DCHS2: variants seen among roughly 807,000 people sequenced by gnomAD.
The protein encoded by DCHS2 is protocadherin-23.
Under a neutral mutation model 182.4 loss-of-function variants are expected in DCHS2, and 142 were observed. That is an observed-to-expected ratio of 0.78 (90% CI 0.68 to 0.89). The LOEUF (loss-of-function observed/expected upper bound fraction) is 0.89, where lower values mean the gene tolerates loss of function less well. DCHS2 is among the 40% of genes least tolerant of loss of function. The pLI is 0.00. For synonymous variants in DCHS2, 1,740 were observed against 1,663.3 expected (o/e 1.05, Z -1.12); for missense variants, 4,319 against 4,198.6 (o/e 1.03, Z -0.79).
At chr4:154,279,823 G>C (rs1014096123) in intron 13 of DCHS2, among the ~76,000 whole-genome samples, 8 of 151,714 alleles carry the variant, frequency 5.3e-5, no homozygotes, top group Admixed American at 5.3e-4. Flanking sequence ...CAAGGAACCA[G>C]AGAAAGAACA....
intron 3 of DCHS2, among the ~76,000 whole-genome samples, chr4:154,348,642 G>A (rs911524880): frequency 6.6e-6 from 1 of 151,846 alleles, no homozygotes; most frequent in African/African-American, 2.4e-5. Flanking sequence ...CAGAAAAGAA[G>A]GACATGCAAA....
At chr4:154,462,441 G>A (rs925567623) in intron 1 of DCHS2, among the ~76,000 whole-genome samples, 1 of 152,172 alleles carries the variant, frequency 6.6e-6, no homozygotes, top group African/African-American at 2.4e-5. Flanking sequence ...AGGTAGGTAA[G>A]AAAGATGGCG....
chr4:154,378,499 G>GGGGAGGAAGGAAGGAAGGAAGGAAGGAA (rs1731017806), intron 1 of DCHS2, among the ~76,000 whole-genome samples: 2 of 56,310 alleles, frequency 3.6e-5, no homozygotes, highest in Non-Finnish European at 7.0e-5. Flanking sequence ...GAGGGAGGGT[G>GGGGAGGAAGGAAGGAAGGAAGGAAGGAA]GGAAGGAAGG....
chr4:154,359,282 C>A (rs970062150), intron 3 of DCHS2, among the ~76,000 whole-genome samples: 2 of 151,800 alleles, frequency 1.3e-5, no homozygotes, highest in African/African-American at 2.4e-5. Context: ...CTGTTGTAAT[C>A]AAAAAATGTT....
intron 1 of DCHS2, among the ~76,000 whole-genome samples, chr4:154,456,651 T>C (rs1734779564): frequency 2.0e-5 from 3 of 152,058 alleles, no homozygotes. Context: ...AGAAAAGTCA[T>C]GGTGTACTGG....
At position 154,333,186 on chromosome 4, in the gene DCHS2, T is replaced by G. The variant is rs1728569084; in HGVS notation, c.3022A>C (p.Ser1008Arg). The G allele has an allele frequency of 6.2e-7, 1 of 1,614,214 alleles. No homozygotes were observed. The highest frequency in any genetic ancestry group is 8.5e-7 in the Non-Finnish European group (1 of 1,180,036). ...LYLARAEDRD[S>R]GRNGLIRYSI... Reference sequence around the variant, plus strand: ...TACCGGATGAGTCCGTTCCGCCCACTGTCTCTGTCTTCCGCACGTGCGAGG... The same window carrying G: ...TACCGGATGAGTCCGTTCCGCCCACGGTCTCTGTCTTCCGCACGTGCGAGG... Residue 1008 changes from serine to arginine, a missense_variant, in exon 5 of 20, where the codon AGT becomes CGT. Physicochemically the swap from Ser to Arg is moderately radical, Grantham distance 110 (BLOSUM62 -1). Coordinates refer to ENST00000357232, the MANE Select transcript of DCHS2 (RefSeq NM_001358235.2).
chr4:154,368,328 CT>C (rs1027375874), intron 2 of DCHS2, among the ~76,000 whole-genome samples: 1 of 152,066 alleles, frequency 6.6e-6, no homozygotes, highest in African/African-American at 2.4e-5. Flanking sequence ...CTTCCTCTTT[CT>C]TTTTTATTTC....
intron 1 of DCHS2, among the ~76,000 whole-genome samples, chr4:154,426,954 A>T (rs1733356025): frequency 6.6e-6 from 1 of 152,022 alleles, no homozygotes; most frequent in Non-Finnish European, 1.5e-5. Context: ...ACACCCACAA[A>T]ATTTTTACAT....
chr4:154,421,041 GAC>G (rs1733089754), intron 1 of DCHS2, among the ~76,000 whole-genome samples: 1 of 152,162 alleles, frequency 6.6e-6, no homozygotes, highest in South Asian at 2.1e-4. Flanking sequence ...CACACTCACT[GAC>G]AGTGATTTGA....
intron 3 of DCHS2, among the ~76,000 whole-genome samples, chr4:154,354,172 T>A (rs6844979): frequency 6.6e-6 from 1 of 152,182 alleles, no homozygotes; most frequent in Admixed American, 6.5e-5. Flanking sequence ...GCCATCCACC[T>A]GCCTCAGCCT....
At chr4:154,385,275 A>G (rs1392371437) in intron 1 of DCHS2, among the ~76,000 whole-genome samples, 1 of 152,134 alleles carries the variant, frequency 6.6e-6, no homozygotes, top group South Asian at 2.1e-4. Context: ...ATGGCTGCAT[A>G]GTATTCCATT....
In DCHS2 at chr4:154,294,615, T is replaced by C. The variant is rs74934336; in HGVS notation, c.6463+3236A>G. Among the ~76,000 whole-genome samples, 128 of 152,336 alleles carry C rather than the reference T, an allele frequency of 8.4e-4. No individual in the cohort carries two copies. In the Middle Eastern group the frequency reaches 0.01, roughly 12 times the overall value. On this transcript the variant is annotated intron_variant, in intron 13 of 19. Transcript: ENST00000357232. ...CAGATAGGCAACAGAAGAGTATTAA[T>C]ATAGTTCCAAAATATTAACCCTTTA...
At chr4:154,323,283 C>T (rs536844617) in intron 7 of DCHS2, 17 of 1,548,240 alleles carry the variant, frequency 1.1e-5, no homozygotes, top group East Asian at 4.9e-5. Context: ...GTTTTTTGCA[C>T]GACTGCTTCC....
intron 1 of DCHS2, among the ~76,000 whole-genome samples, chr4:154,437,491 C>G (rs1733830121): frequency 6.6e-6 from 1 of 152,150 alleles, no homozygotes; most frequent in South Asian, 2.1e-4. Context: ...GGTAATTCAA[C>G]AAAACAAAGA....
intron 13 of DCHS2, among the ~76,000 whole-genome samples, chr4:154,278,269 A>G (rs2111227029): frequency 6.6e-6 from 1 of 152,232 alleles, no homozygotes; most frequent in East Asian, 1.9e-4. Flanking sequence ...AAACAGAGGA[A>G]TCAGTGAACT....
rs777267969 is a variant in DCHS2, at chr4:154,491,203, C to A, written c.153G>T (p.Leu51Phe). ...AGGCCGCCCACAGCCACACGTGCAC[C>A]AAGAGCCAGAGCAGGGAGCGCTGCG... ...ARTQRSLLWL[L>F]VHVWLWAASG... is the part of the protein sequence containing the mutation. Residue 51 changes from leucine to phenylalanine, a missense_variant, in exon 1 of 20, where the codon TTG becomes TTT. Transcript: ENST00000357232. 3 of 1,551,468 alleles carry A rather than the reference C, an allele frequency of 1.9e-6. No individual in the cohort carries two copies. In the South Asian group the frequency reaches 3.6e-5, roughly 18 times the overall value.
At chr4:154,480,915 A>T (rs1394738976) in intron 1 of DCHS2, among the ~76,000 whole-genome samples, 1 of 152,186 alleles carries the variant, frequency 6.6e-6, no homozygotes, top group Non-Finnish European at 1.5e-5. Flanking sequence ...GACATGAGCC[A>T]CTGCCTGGCC....
intron 1 of DCHS2, among the ~76,000 whole-genome samples, chr4:154,380,832 G>T (rs879840310): frequency 2.6e-5 from 4 of 151,980 alleles, no homozygotes; most frequent in Non-Finnish European, 4.4e-5. Flanking sequence ...TGAATGCCTA[G>T]AATTAATATT....
At chr4:154,339,990 T>C (rs1161580550) in intron 3 of DCHS2, among the ~76,000 whole-genome samples, 2 of 152,172 alleles carry the variant, frequency 1.3e-5, no homozygotes, top group African/African-American at 2.4e-5. Flanking sequence ...TACATTCCTA[T>C]AGTTTAAAAA....
Sources: allele counts gnomAD v4.1 joint callset (sites outside exome capture counted in the v4.1 genomes callset), GRCh38; gene constraint gnomAD v4.1.1; transcripts MANE v1.5; gene names NCBI Gene and HGNC (gene_info 2026-07-23, HGNC 2026-07-21).